The following BICD1 variants were observed in gnomAD, a reference collection of about 807,000 sequenced individuals.
BICD1 encodes BICD cargo adaptor 1.
In BICD1, 35 loss-of-function variants were observed where a neutral mutation model predicts 92.5. That is an observed-to-expected ratio of 0.38 (90% CI 0.29 to 0.50). BICD1 has a LOEUF of 0.50. Ranked by LOEUF, BICD1 falls within the 20% of genes least tolerant of loss-of-function variation. The probability of loss-of-function intolerance (pLI) is 0.93; values close to 1 mark genes in which losing one functional copy is unlikely to be tolerated. For synonymous variants in BICD1, 429 were observed against 465.1 expected (o/e 0.92, Z 1.00); for missense variants, 950 against 1,189.8 (o/e 0.80, Z 2.97).
chr12:32,335,088 A>G (rs1938045339), intron 6 of BICD1, among the ~76,000 whole-genome samples: 1 of 152,198 alleles, frequency 6.6e-6, no homozygotes, highest in East Asian at 1.9e-4. Context: ...CCTTACCTTT[A>G]GTACTGTGCG....
intron 3 of BICD1, among the ~76,000 whole-genome samples, chr12:32,297,966 G>C (rs144556647): frequency 0.015 from 2,207 of 151,936 alleles, 24 homozygotes; most frequent in Non-Finnish European, 0.022. Flanking sequence ...AGGATCACTT[G>C]AGTCCAAAAG....
intron 3 of BICD1, among the ~76,000 whole-genome samples, chr12:32,303,083 C>T (rs1015918809): frequency 3.9e-5 from 6 of 151,928 alleles, no homozygotes; most frequent in Middle Eastern, 3.4e-3. Flanking sequence ...TATAGGTGCA[C>T]GCCACCACAC....
At chr12:32,193,530 A>G (rs1387571399) in intron 1 of BICD1, among the ~76,000 whole-genome samples, 1 of 152,198 alleles carries the variant, frequency 6.6e-6, no homozygotes, top group Non-Finnish European at 1.5e-5. Context: ...GTATACCTGT[A>G]TTATAGCTAA....
intron 1 of BICD1, among the ~76,000 whole-genome samples, chr12:32,127,037 A>AGG (rs1397341549): frequency 5.3e-5 from 8 of 152,168 alleles, no homozygotes; most frequent in Non-Finnish European, 1.0e-4. Context: ...ACCTATACTC[A>AGG]TATTCTGTAT....
Position 32,294,113 on chromosome 12 carries a change from G to A in BICD1, c.546G>A (p.Leu182=), listed in dbSNP as rs200890038. The A allele has an allele frequency of 1.2e-6, 2 of 1,607,268 alleles. No individual in the cohort carries two copies. The highest frequency in any genetic ancestry group is 1.7e-6 in the Non-Finnish European group (2 of 1,178,588). The part of the protein sequence containing the change: ...YTELEEENIT[L]QKLVSTLKQN... ...AATTGGAAGAAGAAAATATCACATT[G>A]CAGAAACTAGTGTCCACGTTGAAGC... Residue 182 remains leucine, a synonymous_variant, in exon 3 of 10, where the codon TTG becomes TTA. Coordinates refer to ENST00000652176, the MANE Select transcript of BICD1 (RefSeq NM_001714.4).
intron 1 of BICD1, among the ~76,000 whole-genome samples, chr12:32,214,964 C>T (rs1466229637): frequency 6.6e-6 from 1 of 152,086 alleles, no homozygotes; most frequent in Admixed American, 6.6e-5. Flanking sequence ...CGTGGTGGCT[C>T]ATGCCTGTAA....
At chr12:32,188,726 G>A (rs1944485835) in intron 1 of BICD1, among the ~76,000 whole-genome samples, 1 of 150,736 alleles carries the variant, frequency 6.6e-6, no homozygotes, top group Admixed American at 6.6e-5. Context: ...ACTGAATCTT[G>A]AATTCCTTTT....
At chr12:32,344,562 T>C (rs1474389779) in intron 8 of BICD1, among the ~76,000 whole-genome samples, 1 of 152,156 alleles carries the variant, frequency 6.6e-6, no homozygotes, top group African/African-American at 2.4e-5. Flanking sequence ...TGAGAGGTAG[T>C]GGAGACCAGA....
chr12:32,366,860 C>G (rs1026018537), intron 8 of BICD1, among the ~76,000 whole-genome samples: 2 of 152,154 alleles, frequency 1.3e-5, no homozygotes, highest in Non-Finnish European at 2.9e-5. Context: ...CACCTAGTAC[C>G]AGTAAACAGA....
intron 1 of BICD1, among the ~76,000 whole-genome samples, chr12:32,207,636 A>G (rs1945098118): frequency 6.6e-6 from 1 of 152,202 alleles, no homozygotes; most frequent in Non-Finnish European, 1.5e-5. Flanking sequence ...GTGTTTCTCA[A>G]ATGGACGGAC....
At chr12:32,334,694 G>GGT (rs1325924763) in intron 6 of BICD1, 27 bp downstream of exon 6, 1 of 1,592,962 alleles carries the variant, frequency 6.3e-7, no homozygotes, top group Non-Finnish European at 8.5e-7. Flanking sequence ...CCTATGACTG[G>GGT]GTGTGGTAGG....
intron 2 of BICD1, among the ~76,000 whole-genome samples, chr12:32,293,669 A>G (rs1304427201): frequency 6.6e-6 from 1 of 152,140 alleles, no homozygotes; most frequent in East Asian, 1.9e-4. Flanking sequence ...GTTCCGTTCA[A>G]TGGATGCATG....
chr12:32,208,135 A>C (rs970475695), intron 1 of BICD1, among the ~76,000 whole-genome samples: 22 of 152,214 alleles, frequency 1.4e-4, no homozygotes, highest in Non-Finnish European at 3.1e-4. Context: ...TTTAAGGTAG[A>C]TGTTATTATT....
intron 1 of BICD1, among the ~76,000 whole-genome samples, chr12:32,167,133 A>G (rs1757163852): frequency 1.3e-5 from 2 of 152,224 alleles, no homozygotes; most frequent in Non-Finnish European, 2.9e-5. Flanking sequence ...TCTATATTAT[A>G]AATTCTAAAT....
In BICD1 at chr12:32,379,992, C is replaced by T. The variant is rs571888106; in HGVS notation, c.*2365C>T. 3 of 152,258 alleles carry T rather than the reference C, an allele frequency of 2.0e-5. No individual in the cohort carries two copies. The highest frequency in any genetic ancestry group is 2.1e-4 in the South Asian group (1 of 4,826). The allele number at this position is 152,258 out of a possible 1,614,324, so 9.4% of individuals were successfully genotyped here. A position where few individuals can be genotyped will look rare whatever the true frequency, so the allele number is the denominator to read the frequency against. On this transcript the variant is annotated 3_prime_UTR_variant, in exon 10 of 10. Coordinates refer to ENST00000652176, the MANE Select transcript of BICD1 (RefSeq NM_001714.4). The stretch of plus-strand genomic sequence containing the variant: ...TCTTCCAATACAAAGTGTATTATTA[C>T]GTCTATTATAAACTAGTTTCATTTC...
In BICD1 at chr12:32,134,945, C is replaced by G. The variant is rs1477074591; in HGVS notation, c.213+27401C>G. On this transcript the variant is annotated intron_variant, in intron 1 of 9. Coordinates refer to ENST00000652176, the MANE Select transcript of BICD1 (RefSeq NM_001714.4). ...CACATAAACAGGATTTCAGGCCAGTCTCAAAAAACTGGAAGATTTCACAGA... is the reference window on the plus strand; with the variant it reads ...CACATAAACAGGATTTCAGGCCAGTGTCAAAAAACTGGAAGATTTCACAGA... Among the ~76,000 whole-genome samples, 81 of 152,206 alleles carry G rather than the reference C, an allele frequency of 5.3e-4. 1 individual carries two copies. Among genetic ancestry groups the G allele is most frequent in the Non-Finnish European group, 5.9e-5 (4 of 68,008 alleles).
At chr12:32,223,152 C>T (rs1264441397) in intron 2 of BICD1, among the ~76,000 whole-genome samples, 1 of 152,180 alleles carries the variant, frequency 6.6e-6, no homozygotes, top group Non-Finnish European at 1.5e-5. Flanking sequence ...TTCCTTCGAC[C>T]TCATAAACTA....
At chr12:32,115,657 G>A (rs1306518564) in intron 1 of BICD1, among the ~76,000 whole-genome samples, 1 of 152,142 alleles carries the variant, frequency 6.6e-6, no homozygotes, top group Non-Finnish European at 1.5e-5. Context: ...AAGAGGAAAA[G>A]GTGTAGGTTT....
chr12:32,194,087 G>A (rs1009506558), intron 1 of BICD1, among the ~76,000 whole-genome samples: 2 of 152,186 alleles, frequency 1.3e-5, no homozygotes, highest in African/African-American at 4.8e-5. Flanking sequence ...TTAACAGGAT[G>A]AGGGATAAAA....
Sources: allele counts gnomAD v4.1 joint callset (sites outside exome capture counted in the v4.1 genomes callset), GRCh38; gene constraint gnomAD v4.1.1; transcripts MANE v1.5; gene names NCBI Gene and HGNC (gene_info 2026-07-23, HGNC 2026-07-21).